PCDHGA5: variants seen among roughly 807,000 people sequenced by gnomAD.
The protein encoded by PCDHGA5 is protocadherin gamma-A5.
PCDHGA5 carries 36 observed loss-of-function variants against 56.7 expected under a neutral mutation model. The ratio of observed to expected loss-of-function variants is 0.64; its 90% confidence interval spans 0.49 to 0.84. The LOEUF (loss-of-function observed/expected upper bound fraction) is 0.84. Ranked by LOEUF, PCDHGA5 falls within the 40% of genes least tolerant of loss-of-function variation. PCDHGA5 has a pLI of 0.00. For missense variants in PCDHGA5, 1,305 were observed against 1,201.5 expected (o/e 1.09, Z -1.27); for synonymous variants, 563 against 520.2 (o/e 1.08, Z -1.12).
At chr5:141,451,762 T>C (rs2154563695) in intron 1 of PCDHGA5, among the ~76,000 whole-genome samples, 1 of 152,100 alleles carries the variant, frequency 6.6e-6, no homozygotes, top group African/African-American at 2.4e-5. Flanking sequence ...ATGCCTATAG[T>C]CCCAGCTACT....
chr5:141,465,502 G>A (rs948827391), intron 1 of PCDHGA5, among the ~76,000 whole-genome samples: 6 of 152,268 alleles, frequency 3.9e-5, no homozygotes, highest in Admixed American at 2.0e-4. Context: ...GAGCATTGTC[G>A]TGGTCAGGAA....
intron 1 of PCDHGA5, among the ~76,000 whole-genome samples, chr5:141,448,117 A>G (rs564444141): frequency 6.6e-6 from 1 of 152,094 alleles, no homozygotes; most frequent in Non-Finnish European, 1.5e-5. Flanking sequence ...AAAGAAAATT[A>G]GCCTCCCCCA....
chr5:141,475,977 A>C, intron 1 of PCDHGA5: 1 of 972,828 alleles, frequency 1.0e-6, no homozygotes, highest in Non-Finnish European at 1.5e-6. Flanking sequence ...GAGACTGAAC[A>C]GCCGGCGAGC....
chr5:141,431,984 G>A lies in PCDHGA5; in HGVS notation c.2422-62823G>A, dbSNP rs758365921. 2 of 1,614,220 alleles carry A rather than the reference G, an allele frequency of 1.2e-6. No individual in the cohort carries two copies. The highest frequency in any genetic ancestry group is 2.2e-5 in the South Asian group (2 of 91,086). On this transcript the variant is annotated intron_variant, in intron 1 of 3. Transcript: ENST00000518069. The surrounding 1 kb of genome is among the most constrained non-coding windows in gnomAD (Gnocchi z 4.8). ...TTACTATAGTTTAGTCACAGACATAGTCTTGGATAGGGAACAGGTTCCTAG... is the reference window on the plus strand; with the variant it reads ...TTACTATAGTTTAGTCACAGACATAATCTTGGATAGGGAACAGGTTCCTAG...
intron 2 of PCDHGA5, among the ~76,000 whole-genome samples, chr5:141,497,483 C>T (rs1039341023): frequency 6.6e-6 from 1 of 150,378 alleles, no homozygotes; most frequent in Non-Finnish European, 1.5e-5. Context: ...AGGTGCGGAA[C>T]CTCTCTCTCT....
chr5:141,392,779 T>C (rs757880986), intron 1 of PCDHGA5: 1 of 1,534,720 alleles, frequency 6.5e-7, no homozygotes, highest in African/African-American at 1.4e-5. Context: ...TTATGCACAG[T>C]GAAGATTCTG....
chr5:141,405,177 G>A, intron 1 of PCDHGA5: 3 of 1,614,140 alleles, frequency 1.9e-6, no homozygotes, highest in African/African-American at 1.3e-5. Flanking sequence ...CACTTTGTGG[G>A]TGTAGATGGG....
In PCDHGA5 at chr5:141,383,143, G is replaced by T. The variant is rs371358932; in HGVS notation, c.2421+16392G>T. 1.9e-5 allele frequency: 30 copies of T among 1,614,090 alleles called. No homozygotes were observed. The African/African-American group carries it at 3.1e-4, about 16-fold the overall frequency. ...GCTTTTCGCCCTGAACCAGCGCAGC[G>T]GCAGCTTGGTCACTGCGGGCAGGAT... On this transcript the variant is annotated intron_variant, in intron 1 of 3. Coordinates refer to ENST00000518069, the MANE Select transcript of PCDHGA5 (RefSeq NM_018918.3).
intron 1 of PCDHGA5, chr5:141,409,913 G>C (rs769370742): frequency 1.9e-6 from 3 of 1,613,334 alleles, no homozygotes; most frequent in East Asian, 2.2e-5. Flanking sequence ...GGGTCCTGAC[G>C]GCTCCGCGTT....
chr5:141,418,589 C>T (rs184213052), intron 1 of PCDHGA5: 13 of 1,613,896 alleles, frequency 8.1e-6, no homozygotes, highest in African/African-American at 6.7e-5. Flanking sequence ...AGTGTTCAGC[C>T]AGGACGTGTA....
intron 1 of PCDHGA5, chr5:141,407,996 TGG>T: frequency 1.1e-6 from 1 of 872,310 alleles, no homozygotes; most frequent in South Asian, 2.0e-5. Flanking sequence ...GCCTCTGGCC[TGG>T]GATTCCCTGC....
intron 1 of PCDHGA5, chr5:141,419,854 A>G: frequency 1.9e-6 from 3 of 1,614,078 alleles, no homozygotes; most frequent in Non-Finnish European, 2.5e-6. Flanking sequence ...TGGTGTTCGC[A>G]GATAGCTTGC....
chr5:141,439,390 C>T (rs528547728), intron 1 of PCDHGA5, among the ~76,000 whole-genome samples: 1 of 152,266 alleles, frequency 6.6e-6, no homozygotes, highest in South Asian at 2.1e-4. Flanking sequence ...GTCATCACTT[C>T]GACTTCATGT....
At chr5:141,481,533 T>TG (rs1246139713) in intron 1 of PCDHGA5, among the ~76,000 whole-genome samples, 2 of 152,200 alleles carry the variant, frequency 1.3e-5, no homozygotes, top group Admixed American at 6.5e-5. Context: ...AATCTAGAGA[T>TG]GGGGCTGGGC....
intron 1 of PCDHGA5, chr5:141,419,537 C>G (rs368875631): frequency 1.2e-6 from 2 of 1,612,040 alleles, no homozygotes; most frequent in Non-Finnish European, 1.7e-6. Flanking sequence ...CGACAACGCA[C>G]CGCGGGTGCT....
chr5:141,452,015 C>T (rs2098730990), intron 1 of PCDHGA5, among the ~76,000 whole-genome samples: 1 of 152,306 alleles, frequency 6.6e-6, no homozygotes, highest in African/African-American at 2.4e-5. Context: ...GTCCAGCCCA[C>T]ACTCTGGGGA....
Position 141,511,617 on chromosome 5 carries a change from C to T in PCDHGA5, c.*444C>T, listed in dbSNP as rs1562253545. The T allele has an allele frequency of 4.3e-6, 1 of 233,232 alleles. No homozygotes were observed. Among genetic ancestry groups the T allele is most frequent in the African/African-American group, 2.2e-5 (1 of 45,220 alleles). The allele number at this position is 233,232 out of a possible 1,614,324, so 14.4% of individuals were successfully genotyped here. A position where few individuals can be genotyped will look rare whatever the true frequency, so the allele number is the denominator to read the frequency against. Reference sequence around the variant, plus strand: ...CAAGTAACCTACAAGCCTCCTAGTTCTGAAAAGTTGGAAGGGCATCATGAC... The same window carrying T: ...CAAGTAACCTACAAGCCTCCTAGTTTTGAAAAGTTGGAAGGGCATCATGAC... On this transcript the variant is annotated 3_prime_UTR_variant, in exon 4 of 4. Coordinates refer to ENST00000518069, the MANE Select transcript of PCDHGA5 (RefSeq NM_018918.3).
intron 1 of PCDHGA5, chr5:141,415,740 G>GTTTTTTTTTTTTTGTTT (rs2095912299): frequency 1.9e-6 from 1 of 515,998 alleles, no homozygotes; most frequent in Non-Finnish European, 2.6e-6. Context: ...GTTTATTAAG[G>GTTTTTTTTTTTTTGTTT]TTTTTTTTTT....
chr5:141,422,587 CCTCA>C, intron 1 of PCDHGA5: 1 of 1,614,032 alleles, frequency 6.2e-7, no homozygotes, highest in Non-Finnish European at 8.5e-7. Context: ...TCCCGTTTTT[CCTCA>C]CTCCTCTTAC....
Sources: allele counts gnomAD v4.1 joint callset (sites outside exome capture counted in the v4.1 genomes callset), GRCh38; gene constraint gnomAD v4.1.1; non-coding constraint Gnocchi (gnomAD v3.1); transcripts MANE v1.5; gene names NCBI Gene and HGNC (gene_info 2026-07-23, HGNC 2026-07-21).